MAU2: variants seen among roughly 807,000 people sequenced by gnomAD.
MAU2 encodes the protein MAU2 chromatid cohesion factor homolog.
Under a neutral mutation model 89.1 loss-of-function variants are expected in MAU2, and 9 were observed. That is an observed-to-expected ratio of 0.10 (90% CI 0.06 to 0.18). MAU2 has a LOEUF of 0.18. MAU2 is among the 10% of genes least tolerant of loss of function. MAU2 has a pLI of 1.00. For missense variants in MAU2, 425 were observed against 803.5 expected, an observed-to-expected ratio of 0.53 and a Z score of 5.69; for synonymous variants, 357 against 343.4, an observed-to-expected ratio of 1.04 and a Z score of -0.44.
chr19:19,322,591 C>T (rs1227936270), intron 1 of MAU2, among the ~76,000 whole-genome samples: 2 of 152,158 alleles, frequency 1.3e-5, no homozygotes, highest in Non-Finnish European at 2.9e-5. Context: ...CAGTGAAACC[C>T]TGTCTCAGAA....
At chr19:19,331,497 G>A (rs746902751) in intron 1 of MAU2, among the ~76,000 whole-genome samples, 29 of 103,280 alleles carry the variant, frequency 2.8e-4, no homozygotes, top group African/African-American at 6.6e-4. Context: ...GTGCAACTCC[G>A]TCTCAAAAAA....
intron 4 of MAU2, among the ~76,000 whole-genome samples, chr19:19,337,689 A>G (rs1186341953): frequency 6.6e-6 from 1 of 152,190 alleles, no homozygotes; most frequent in Non-Finnish European, 1.5e-5. Flanking sequence ...TGAGACTCCA[A>G]GGGGCTGCCT....
Position 19,335,710 on chromosome 19 carries a change from T to C in MAU2, c.277-8T>C. ...TGAGAATTAATCGTTGTTTTCTTTC[T>C]TTTTCAGTGGTTGATATCACAGCAA... On this transcript the variant is annotated splice_region_variant and splice_polypyrimidine_tract_variant and intron_variant, in intron 1 of 18. Transcript: ENST00000262815. The C allele has an allele frequency of 6.2e-7, 1 of 1,614,144 alleles. No homozygotes were observed. Among genetic ancestry groups the C allele is most frequent in the Non-Finnish European group, 8.5e-7 (1 of 1,179,968 alleles).
chr19:19,351,147 T>C (rs1293450017), intron 16 of MAU2, among the ~76,000 whole-genome samples: 1 of 150,762 alleles, frequency 6.6e-6, no homozygotes, highest in Non-Finnish European at 1.5e-5. Context: ...CCCTGTAGGC[T>C]CAAGTGATCC....
chr19:19,323,533 G>T (rs757781245), intron 1 of MAU2, among the ~76,000 whole-genome samples: 3 of 151,856 alleles, frequency 2.0e-5, no homozygotes, highest in Admixed American at 2.0e-4. Context: ...TTGAGACAGG[G>T]TCTCGCTCCA....
In MAU2 at chr19:19,356,054, T is replaced by C. The variant is rs779135880; in HGVS notation, c.*272T>C. 1.1e-5 allele frequency: 7 copies of C among 615,692 alleles called. No homozygotes were observed. Among genetic ancestry groups the C allele is most frequent in the East Asian group, 6.8e-5 (2 of 29,518 alleles). The allele number at this position is 615,692 out of a possible 1,614,324, so 38.1% of individuals were successfully genotyped here. A position where few individuals can be genotyped will look rare whatever the true frequency, so the allele number is the denominator to read the frequency against. On this transcript the variant is annotated 3_prime_UTR_variant, in exon 19 of 19. Transcript: ENST00000262815. ...TCAGAGTGGACCTCAGTGCCAGTCC[T>C]GCCTCAGCATCTGGGTCACGTCGGC...
intron 5 of MAU2, among the ~76,000 whole-genome samples, chr19:19,340,554 G>A (rs1010363021): frequency 6.6e-6 from 1 of 152,000 alleles, no homozygotes; most frequent in African/African-American, 2.4e-5. Context: ...CAGGAGAATG[G>A]CGTGAACCTG....
At chr19:19,347,104 GAGA>G (rs2061699305) in intron 12 of MAU2, 173 bp from the exon 13 acceptor site, 2 of 579,190 alleles carry the variant, frequency 3.5e-6, no homozygotes, top group East Asian at 2.9e-5. Context: ...GTTTTATAAT[GAGA>G]AGAAGTAATA....
chr19:19,335,886 G>C, intron 2 of MAU2, 151 bp downstream of exon 2: 2 of 912,928 alleles, frequency 2.2e-6, no homozygotes, highest in Non-Finnish European at 3.5e-6. Context: ...CTGGCCCTCT[G>C]CTGCCCTTGG....
intron 6 of MAU2, 51 bp from the exon 7 acceptor site, chr19:19,341,201 G>A (rs2146686054): frequency 6.4e-7 from 1 of 1,572,942 alleles, no homozygotes; most frequent in Non-Finnish European, 8.6e-7. Context: ...CCCGGTCCTG[G>A]GAGGGCCCCT....
chr19:19,337,807 T>A (rs535319272), intron 4 of MAU2, among the ~76,000 whole-genome samples: 15 of 152,358 alleles, frequency 9.8e-5, no homozygotes, highest in Non-Finnish European at 1.6e-4. Flanking sequence ...TTCCTCCTCA[T>A]GCTCCCTTTG....
At chr19:19,329,449 T>C (rs2061537535) in intron 1 of MAU2, among the ~76,000 whole-genome samples, 1 of 152,166 alleles carries the variant, frequency 6.6e-6, no homozygotes, top group Non-Finnish European at 1.5e-5. Context: ...ATAGCATCAT[T>C]GGCACCTACT....
chr19:19,330,609 G>T (rs576046594), intron 1 of MAU2, among the ~76,000 whole-genome samples: 1 of 152,084 alleles, frequency 6.6e-6, no homozygotes, highest in Non-Finnish European at 1.5e-5. Flanking sequence ...GCGTGATGGC[G>T]CATGCCTGTA....
At chr19:19,341,846 G>C (rs144773527) in intron 7 of MAU2, among the ~76,000 whole-genome samples, 1 of 152,162 alleles carries the variant, frequency 6.6e-6, no homozygotes, top group African/African-American at 2.4e-5. Flanking sequence ...TGACCCTGCC[G>C]TGGGTGGGGA....
intron 16 of MAU2, chr19:19,353,902 C>T (rs1434524926): frequency 5.1e-6 from 1 of 195,370 alleles, no homozygotes; most frequent in Non-Finnish European, 1.1e-5. Flanking sequence ...CTGGTGCCCC[C>T]AGAGCCCCTG....
intron 16 of MAU2, chr19:19,353,286 T>G (rs1232605135): frequency 6.6e-6 from 1 of 152,246 alleles, no homozygotes; most frequent in Non-Finnish European, 1.5e-5. Context: ...CCCAGGCTGC[T>G]TTCAGACAGA....
Position 19,342,758 on chromosome 19 carries a change from G to C in MAU2, c.883-18G>C. 6.2e-7 allele frequency: 1 copy of C among 1,614,000 alleles called. No individual in the cohort carries two copies. The highest frequency in any genetic ancestry group is 1.7e-4 in the Middle Eastern group (1 of 6,060). On this transcript the variant is annotated intron_variant, in intron 8 of 18. Transcript: ENST00000262815. ...GGAGAGGGCCCTGGTAACCCCTGCT[G>C]TCTGGTCTTGTCGCTAGGTGACTGT... is the stretch of plus-strand genomic sequence containing the variant.
chr19:19,346,661 A>G (rs2061695632), intron 12 of MAU2, among the ~76,000 whole-genome samples: 1 of 152,060 alleles, frequency 6.6e-6, no homozygotes, highest in African/African-American at 2.4e-5. Context: ...GCCCAGCCCC[A>G]CTGGGAACCA....
Position 19,337,171 on chromosome 19 carries a change from A to C in MAU2, c.362A>C (p.Asn121Thr). 1.9e-6 allele frequency: 3 copies of C among 1,611,846 alleles called. No homozygotes were observed. The highest frequency in any genetic ancestry group is 2.5e-6 in the Non-Finnish European group (3 of 1,178,508). The change falls in exon 4 of 19, where the codon AAT becomes ACT. Residue 121 changes from asparagine to threonine, a missense_variant and splice_region_variant. Asn to Thr is a moderately conservative substitution (Grantham distance 65, BLOSUM62 0). Around this residue, in one of 11 missense-constraint regions of MAU2, gnomAD observed 119 missense variants for 299.8 expected, o/e 0.40. Transcript: ENST00000262815. ...CCAAACGTGACTATTTCCTTTCAGA[A>C]TTCCGTTGATGCAGCAAAGCCGCTG... Reference protein sequence around the residue: ...SLLSELYCQENSVDAAKPLLR... With the variant: ...SLLSELYCQETSVDAAKPLLR...
Sources: gnomAD v4.1 joint callset for allele counts (sites outside exome capture counted in the v4.1 genomes callset) on GRCh38, gnomAD v4.1.1 for gene constraint, gnomAD v4.1.1 regional missense constraint, MANE v1.5 for transcripts, NCBI Gene and HGNC (gene_info 2026-07-23, HGNC 2026-07-21) for gene names.